The following RGS7BP variants were observed in gnomAD, a reference collection of about 807,000 sequenced individuals.
RGS7BP encodes regulator of G protein signaling 7 binding protein.
A neutral mutation model predicts 31.3 loss-of-function variants in RGS7BP; 9 were observed. That is an observed-to-expected ratio of 0.29 (90% CI 0.17 to 0.50). RGS7BP has a LOEUF of 0.50. RGS7BP is among the 20% of genes least tolerant of loss of function. The pLI is 0.98. For missense variants in RGS7BP, 274 were observed against 322.0 expected (o/e 0.85, Z 1.14); for synonymous variants, 115 against 120.1 (o/e 0.96, Z 0.28).
intron 2 of RGS7BP, among the ~76,000 whole-genome samples, chr5:64,554,496 T>G (rs1354484551): frequency 1.3e-5 from 2 of 152,154 alleles, no homozygotes; most frequent in Non-Finnish European, 2.9e-5. Context: ...ACATGCTTAG[T>G]GAAGAGGTAG....
At chr5:64,606,469 C>A (rs1442550543) in intron 5 of RGS7BP, among the ~76,000 whole-genome samples, 3 of 152,016 alleles carry the variant, frequency 2.0e-5, no homozygotes, top group Non-Finnish European at 4.4e-5. Context: ...CTATGAAGAT[C>A]TTTCTTTCCC....
At chr5:64,562,570 A>G (rs1319514892) in intron 2 of RGS7BP, among the ~76,000 whole-genome samples, 1 of 151,992 alleles carries the variant, frequency 6.6e-6, no homozygotes, top group Non-Finnish European at 1.5e-5. Context: ...CCTTCATGTC[A>G]ATATTCTTTC....
At chr5:64,569,451 T>TC (rs1742254434) in intron 2 of RGS7BP, among the ~76,000 whole-genome samples, 1 of 152,140 alleles carries the variant, frequency 6.6e-6, no homozygotes, top group Non-Finnish European at 1.5e-5. Flanking sequence ...TAACTGGGCT[T>TC]CTTTTTTTTT....
intron 2 of RGS7BP, among the ~76,000 whole-genome samples, chr5:64,514,182 G>T (rs1748912693): frequency 6.6e-6 from 1 of 152,100 alleles, no homozygotes; most frequent in Admixed American, 6.5e-5. Flanking sequence ...TTTTTACAAG[G>T]ACAGTAGTCA....
rs368233590 is a variant in RGS7BP, at chr5:64,562,340, C to T, written c.333-13434C>T. ...AATTGCCTCCCTGGAACACATCCTC[C>T]ATTCATTTCTGCTTGTTATGACCTT... On this transcript the variant is annotated intron_variant, in intron 2 of 5. Coordinates refer to ENST00000334025, the MANE Select transcript of RGS7BP (RefSeq NM_001029875.3). 4.6e-5 allele frequency among the ~76,000 whole-genome samples: 7 copies of T among 152,220 alleles called. No homozygotes were observed. The South Asian group carries it at 8.3e-4, about 18-fold the overall frequency.
intron 2 of RGS7BP, among the ~76,000 whole-genome samples, chr5:64,557,847 G>A (rs997513609): frequency 3.9e-5 from 6 of 152,052 alleles, no homozygotes; most frequent in Non-Finnish European, 5.9e-5. Context: ...TCTTTGATTC[G>A]TAATAAGATG....
chr5:64,542,178 C>T (rs1003739796), intron 2 of RGS7BP, among the ~76,000 whole-genome samples: 2 of 152,278 alleles, frequency 1.3e-5, no homozygotes, highest in African/African-American at 2.4e-5. Context: ...CAGTATCATA[C>T]GTCTTACCCA....
chr5:64,515,866 G>T (rs1000665767), intron 2 of RGS7BP, among the ~76,000 whole-genome samples: 1 of 151,382 alleles, frequency 6.6e-6, no homozygotes, highest in Non-Finnish European at 1.5e-5. Flanking sequence ...TAGAGATGAG[G>T]TCTCACTCTG....
rs1032221270 is a variant in RGS7BP, at chr5:64,612,003, A to C, written c.*2751A>C. 2.0e-5 allele frequency: 3 copies of C among 152,280 alleles called. No individual in the cohort carries two copies. In the East Asian group the frequency reaches 5.8e-4, roughly 29 times the overall value. 9.4% of individuals were successfully genotyped at this position (152,280 alleles called of 1,614,324 possible). On this transcript the variant is annotated 3_prime_UTR_variant, in exon 6 of 6. Coordinates refer to ENST00000334025, the MANE Select transcript of RGS7BP (RefSeq NM_001029875.3). ...AACTCATTTTGTCGCATGTACCCAC[A>C]GGCTTGAAACAGAAAATGATGTAAA...
intron 2 of RGS7BP, among the ~76,000 whole-genome samples, chr5:64,559,914 G>A (rs1244382612): frequency 6.6e-6 from 1 of 152,110 alleles, no homozygotes; most frequent in Admixed American, 6.6e-5. Context: ...CCTCAAACTA[G>A]TTGGTCAAAA....
chr5:64,594,842 T>C lies in RGS7BP; in HGVS notation c.596T>C (p.Ile199Thr). 1.2e-6 allele frequency: 2 copies of C among 1,613,532 alleles called. No homozygotes were observed. The highest frequency in any genetic ancestry group is 1.7e-6 in the Non-Finnish European group (2 of 1,179,676). The change falls in exon 4 of 6, where the codon ATT becomes ACT. Residue 199 changes from isoleucine to threonine, a missense_variant. Ile to Thr is a moderately conservative substitution (Grantham distance 89). Transcript: ENST00000334025. ...CATTCCTGGCAGGTTTCCACAGACA[T>C]TGAGAACACTGAAAGGTAAGTGGGA... ...QQHSWQVSTD[I>T]ENTERDMREM...
Position 64,611,300 on chromosome 5 carries a change from A to G in RGS7BP, c.*2048A>G, listed in dbSNP as rs369032696. The G allele has an allele frequency of 7.2e-4, 110 of 152,460 alleles. 1 individual carries two copies. The highest frequency in any genetic ancestry group is 2.5e-3 in the African/African-American group (102 of 41,512). The allele number at this position is 152,460 out of a possible 1,614,324, so 9.4% of individuals were successfully genotyped here. On this transcript the variant is annotated 3_prime_UTR_variant, in exon 6 of 6. Coordinates refer to ENST00000334025, the MANE Select transcript of RGS7BP (RefSeq NM_001029875.3). The stretch of plus-strand genomic sequence containing the variant: ...CTCTGCCCTCTCCTATACTTCAACT[A>G]TATTGAACTCTAGCTTCAATCTAGT...
chr5:64,523,032 G>A (rs566493829), intron 2 of RGS7BP, among the ~76,000 whole-genome samples: 40 of 152,246 alleles, frequency 2.6e-4, no homozygotes, highest in African/African-American at 8.7e-4. Context: ...AAGGAGGGCC[G>A]AACCAGTTCT....
intron 4 of RGS7BP, among the ~76,000 whole-genome samples, chr5:64,597,704 C>T (rs1743111176): frequency 6.6e-6 from 1 of 151,210 alleles, no homozygotes; most frequent in Non-Finnish European, 1.5e-5. Flanking sequence ...ATGGTGGGTA[C>T]ACATGGACAT....
intron 5 of RGS7BP, among the ~76,000 whole-genome samples, chr5:64,604,157 T>C (rs575523194): frequency 6.6e-6 from 1 of 152,272 alleles, no homozygotes; most frequent in South Asian, 2.1e-4. Flanking sequence ...AAATTCAGGC[T>C]GCCTTTGATC....
intron 3 of RGS7BP, among the ~76,000 whole-genome samples, chr5:64,581,078 G>A (rs1163603255): frequency 6.6e-6 from 1 of 152,198 alleles, no homozygotes; most frequent in East Asian, 1.9e-4. Context: ...GCCAGGTGTG[G>A]TGGTGCATAC....
chr5:64,536,551 C>G (rs894457934), intron 2 of RGS7BP, among the ~76,000 whole-genome samples: 2 of 152,186 alleles, frequency 1.3e-5, no homozygotes, highest in Non-Finnish European at 1.5e-5. Context: ...AAATCACAGA[C>G]ATTACTTTCA....
intron 5 of RGS7BP, among the ~76,000 whole-genome samples, chr5:64,602,640 A>G (rs984026362): frequency 3.3e-5 from 5 of 152,196 alleles, no homozygotes; most frequent in Admixed American, 6.5e-5. Flanking sequence ...ACTTTTCCAA[A>G]TGCCATATGC....
intron 2 of RGS7BP, among the ~76,000 whole-genome samples, chr5:64,574,059 A>T (rs1742361620): frequency 6.6e-6 from 1 of 152,180 alleles, no homozygotes; most frequent in Admixed American, 6.5e-5. Context: ...TCTGCCTTAA[A>T]ATATTTTCCC....
Sources: gnomAD v4.1 joint callset for allele counts (sites outside exome capture counted in the v4.1 genomes callset) on GRCh38, gnomAD v4.1.1 for gene constraint, MANE v1.5 for transcripts, NCBI Gene and HGNC (gene_info 2026-07-23, HGNC 2026-07-21) for gene names.